Variants in FRYL observed in about 807,000 individuals in gnomAD.
FRYL encodes FRY like transcription coactivator.
In FRYL, 150 loss-of-function variants were observed where a neutral mutation model predicts 351.2. That is an observed-to-expected ratio of 0.43 (90% CI 0.37 to 0.49). The LOEUF is 0.49. FRYL is among the 20% of genes least tolerant of loss of function. The pLI is 0.00. For missense variants in FRYL, 3,036 were observed against 3,619.3 expected, an observed-to-expected ratio of 0.84 and a Z score of 4.13; for synonymous variants, 1,153 against 1,257.1, an observed-to-expected ratio of 0.92 and a Z score of 1.75.
At chr4:48,603,790 TG>T (rs1746155420) in intron 11 of FRYL, among the ~76,000 whole-genome samples, 2 of 152,188 alleles carry the variant, frequency 1.3e-5, no homozygotes, top group South Asian at 4.1e-4. Context: ...ACCATGTGCA[TG>T]GGGACCCAGC....
chr4:48,645,809 C>G (rs1050705475), intron 3 of FRYL, among the ~76,000 whole-genome samples: 1 of 152,124 alleles, frequency 6.6e-6, no homozygotes. Flanking sequence ...TTCAAAAGCA[C>G]CATAAATAAG....
chr4:48,541,702 G>T (rs987891977), intron 45 of FRYL, among the ~76,000 whole-genome samples: 1 of 152,114 alleles, frequency 6.6e-6, no homozygotes, highest in Admixed American at 6.6e-5. Context: ...CAGGGAGAAG[G>T]AACAATATGT....
At chr4:48,720,958 T>C (rs922875787) in intron 1 of FRYL, among the ~76,000 whole-genome samples, 1 of 152,206 alleles carries the variant, frequency 6.6e-6, no homozygotes, top group Non-Finnish European at 1.5e-5. Flanking sequence ...ACTTGATAAT[T>C]AGGTATGTTG....
rs559258995 is a variant in FRYL, at chr4:48,684,736, G to C, written c.-144C>G. The stretch of plus-strand genomic sequence containing the variant: ...CATCTAATCCTATGACTCTTGAGTG[G>C]TTTCAGGAATTAAGCATTTAGATGT... On this transcript the variant is annotated 5_prime_UTR_variant, in exon 3 of 64. Coordinates refer to ENST00000358350, the MANE Select transcript of FRYL (RefSeq NM_015030.2). The C allele has an allele frequency of 1.3e-5, 2 of 152,242 alleles. No homozygotes were observed. Among genetic ancestry groups the C allele is most frequent in the East Asian group, 3.9e-4 (2 of 5,182 alleles). The allele number at this position is 152,242 out of a possible 1,614,324, so 9.4% of individuals were successfully genotyped here.
chr4:48,581,628 C>A, intron 20 of FRYL, 23 bp from the exon 21 acceptor site: 3 of 1,559,200 alleles, frequency 1.9e-6, no homozygotes, highest in Non-Finnish European at 2.6e-6. Context: ...AAGTTAAAAA[C>A]AAAATATAAA....
chr4:48,540,844 C>T lies in FRYL; in HGVS notation c.5804G>A (p.Ser1935Asn), dbSNP rs552166309. 34 of 1,614,030 alleles carry T rather than the reference C, an allele frequency of 2.1e-5. No individual in the cohort carries two copies. Among genetic ancestry groups the T allele is most frequent in the South Asian group, 7.7e-5 (7 of 91,078 alleles). The change falls in exon 46 of 64, where the codon AGT (serine) becomes AAT (asparagine). Residue 1935 changes from serine (S) to asparagine (N), a missense_variant. Transcript: ENST00000358350. ...TCTCAAAGAGTTACTTCTTGCATTA[C>T]TGTTATATCCCAAATAACTGCTACT... Reference protein sequence around the residue: ...INSSSYLGYNSNARSNSLRLS... With the variant: ...INSSSYLGYNNNARSNSLRLS...
intron 23 of FRYL, among the ~76,000 whole-genome samples, chr4:48,576,843 TAA>T (rs1739725196): frequency 6.6e-6 from 1 of 152,138 alleles, no homozygotes; most frequent in Admixed American, 6.5e-5. Context: ...CACATGAAAA[TAA>T]ACACTGCATA....
At chr4:48,713,401 G>T (rs1203580030) in intron 1 of FRYL, among the ~76,000 whole-genome samples, 1 of 151,966 alleles carries the variant, frequency 6.6e-6, no homozygotes, top group Non-Finnish European at 1.5e-5. Context: ...ACACACATAG[G>T]CTCAAAATAA....
intron 30 of FRYL, 94 bp from the exon 31 acceptor site, chr4:48,564,196 T>C: frequency 1.6e-6 from 2 of 1,262,398 alleles, no homozygotes; most frequent in East Asian, 5.3e-5. Context: ...AGTGCATATA[T>C]TCATTGTAAT....
At chr4:48,732,909 G>A (rs4694901) in intron 1 of FRYL, among the ~76,000 whole-genome samples, 2 of 150,352 alleles carry the variant, frequency 1.3e-5, no homozygotes, top group East Asian at 3.9e-4. Context: ...ATGTAACCCA[G>A]AATTTGAAGT....
chr4:48,757,608 A>C (rs1471302479), intron 1 of FRYL, among the ~76,000 whole-genome samples: 1 of 152,228 alleles, frequency 6.6e-6, no homozygotes, highest in African/African-American at 2.4e-5. Flanking sequence ...AACAAATGGA[A>C]GAACATTCCA....
intron 1 of FRYL, among the ~76,000 whole-genome samples, chr4:48,761,622 CTA>C (rs1033033991): frequency 6.6e-6 from 1 of 152,060 alleles, no homozygotes. Context: ...CTTTTATGCC[CTA>C]TGTCTACTGT....
intron 3 of FRYL, among the ~76,000 whole-genome samples, chr4:48,672,188 T>C (rs1393513607): frequency 6.6e-6 from 1 of 152,220 alleles, no homozygotes; most frequent in African/African-American, 2.4e-5. Context: ...ATGATTCAAA[T>C]TGATAGGTGA....
At position 48,570,859 on chromosome 4, in the gene FRYL, T is replaced by G; in HGVS notation, c.2964A>C (p.Glu988Asp). 6.2e-7 allele frequency: 1 copy of G among 1,613,886 alleles called. No individual in the cohort carries two copies. The highest frequency in any genetic ancestry group is 8.5e-7 in the Non-Finnish European group (1 of 1,179,778). ...ILRVQLVRIF[E>D]LLADAGVISH... ...TAATGACACCAGCATCTGCCAGCAG[T>G]TCAAATATTCGTACCAGTTGTACTC... The change falls in exon 27 of 64, where the codon GAA becomes GAC. Residue 988 changes from glutamate to aspartate, a missense_variant. Glu to Asp is a conservative substitution (Grantham distance 45). Coordinates refer to ENST00000358350, the MANE Select transcript of FRYL (RefSeq NM_015030.2).
intron 21 of FRYL, 150 bp from the exon 22 acceptor site, chr4:48,581,101 A>G: frequency 1.8e-6 from 1 of 566,738 alleles, no homozygotes; most frequent in Non-Finnish European, 3.0e-6. Flanking sequence ...GCTGGAGTGC[A>G]GCAGCGCCAT....
intron 19 of FRYL, 44 bp downstream of exon 19, chr4:48,586,577 G>T: frequency 8.0e-7 from 1 of 1,246,234 alleles, no homozygotes; most frequent in Non-Finnish European, 1.2e-6. Flanking sequence ...ATATAAAGGA[G>T]CAGAAGACAT....
At chr4:48,559,344 G>A (rs538025874) in intron 33 of FRYL, among the ~76,000 whole-genome samples, 1 of 151,300 alleles carries the variant, frequency 6.6e-6, no homozygotes, top group Non-Finnish European at 1.5e-5. Context: ...ACTTCCTGGA[G>A]GGAGATGAGA....
Position 48,549,480 on chromosome 4 carries a change from G to A in FRYL, c.4777C>T (p.Leu1593Phe), listed in dbSNP as rs1353316797. The change falls in exon 39 of 64, where the codon CTT (leucine) becomes TTT (phenylalanine). Residue 1593 changes from leucine (L) to phenylalanine (F), a missense_variant. Transcript: ENST00000358350. This position sits in a 1 kb window ranked among gnomAD's most constrained non-coding sequence, Gnocchi z 4.2. ...AATGACGCTGTAGTCCACCTGTGAA[G>A]AGGTAATCCAGGTGATGACGTTTCA... ...VPETSSPGLPLHRCNIAVILL... is the reference protein window; with the variant it reads ...VPETSSPGLPFHRCNIAVILL... 2.5e-6 allele frequency: 4 copies of A among 1,612,184 alleles called. No homozygotes were observed.
chr4:48,629,040 C>T (rs192260261), intron 4 of FRYL, among the ~76,000 whole-genome samples: 286 of 148,992 alleles, frequency 1.9e-3, no homozygotes, highest in African/African-American at 6.8e-3. Flanking sequence ...TATTATAATA[C>T]TTTATAATAT....
Sources: gnomAD v4.1 joint callset for allele counts (sites outside exome capture counted in the v4.1 genomes callset) on GRCh38, gnomAD v4.1.1 for gene constraint, Gnocchi (gnomAD v3.1) non-coding constraint, MANE v1.5 for transcripts, NCBI Gene and HGNC (gene_info 2026-07-23, HGNC 2026-07-21) for gene names.